Variants in CSMD3 observed in about 807,000 individuals in gnomAD.
CSMD3 encodes the protein CUB and Sushi multiple domains 3.
In CSMD3, 177 loss-of-function variants were observed where a neutral mutation model predicts 435.2. The observed-to-expected ratio is 0.41, with a 90% CI of 0.36 to 0.46. CSMD3 has a LOEUF of 0.46. Ranked by LOEUF, CSMD3 falls within the 20% of genes least tolerant of loss-of-function variation. The pLI, the probability that CSMD3 is intolerant of heterozygous loss-of-function variation, is 0.34. For synonymous variants in CSMD3, 1,656 were observed against 1,520.5 expected (o/e 1.09, Z -2.07); for missense variants, 4,265 against 4,504.6 (o/e 0.95, Z 1.52).
intron 53 of CSMD3, among the ~76,000 whole-genome samples, chr8:112,296,874 A>T: frequency 6.6e-6 from 1 of 151,958 alleles, no homozygotes; most frequent in East Asian, 1.9e-4. Flanking sequence ...AGGAGAGAAT[A>T]AAATTGTCAA....
intron 8 of CSMD3, 106 bp downstream of exon 8, chr8:112,954,578 A>G: frequency 1.4e-6 from 1 of 710,680 alleles, no homozygotes; most frequent in South Asian, 1.5e-5. Context: ...TAATGCAGTT[A>G]ATTTGGTAAA....
intron 20 of CSMD3, among the ~76,000 whole-genome samples, chr8:112,641,021 C>T (rs186169572): frequency 3.7e-4 from 56 of 152,036 alleles, no homozygotes; most frequent in Non-Finnish European, 6.8e-4. Context: ...GTATTATTTA[C>T]CTTTCTGAGC....
intron 17 of CSMD3, among the ~76,000 whole-genome samples, chr8:112,656,690 CA>C (rs1337549293): frequency 1.3e-5 from 2 of 152,176 alleles, no homozygotes; most frequent in Non-Finnish European, 2.9e-5. Context: ...ATGTGGTTTA[CA>C]TTTATTTTCA....
Position 113,117,229 on chromosome 8 carries a change from C to T in CSMD3, c.710-18266G>A, listed in dbSNP as rs566546856. ...TTTGTGGGCTGGGCCCCGGGCCTTG[C>T]TACTTTGTGCAAGCTCAAGACTTGG... On this transcript the variant is annotated intron_variant, in intron 4 of 70. Transcript: ENST00000297405. Among the ~76,000 whole-genome samples the T allele has an allele frequency of 3.3e-5, 5 of 152,308 alleles. No homozygotes were observed. The South Asian group carries it at 8.3e-4, about 25-fold the overall frequency.
At chr8:113,142,348 T>C (rs1450556238) in intron 4 of CSMD3, among the ~76,000 whole-genome samples, 2 of 151,268 alleles carry the variant, frequency 1.3e-5, no homozygotes, top group Admixed American at 6.6e-5. Context: ...ATGGATGAAT[T>C]GTTCTACTCA....
At position 112,984,448 on chromosome 8, in the gene CSMD3, T is replaced by C. The variant is rs373341435; in HGVS notation, c.1031-8300A>G. ...AATTTAGCCATAAAATGTAACTATC[T>C]GATCAATAAAATCTCACAAATCATA... On this transcript the variant is annotated intron_variant, in intron 6 of 70. Transcript: ENST00000297405. 1.4e-4 allele frequency among the ~76,000 whole-genome samples: 21 copies of C among 152,238 alleles called. 1 individual carries two copies. Among genetic ancestry groups the C allele is most frequent in the African/African-American group, 4.8e-4 (20 of 41,572 alleles).
chr8:112,525,549 T>C (rs1824798073), intron 27 of CSMD3, among the ~76,000 whole-genome samples: 2 of 148,174 alleles, frequency 1.3e-5, no homozygotes, highest in African/African-American at 4.9e-5. Context: ...TGAAACCCCG[T>C]CTCTACTAAA....
At chr8:112,339,602 A>T (rs985002693) in intron 42 of CSMD3, among the ~76,000 whole-genome samples, 2 of 152,304 alleles carry the variant, frequency 1.3e-5, no homozygotes, top group African/African-American at 2.4e-5. Context: ...GACAACTTGC[A>T]GTCACAATCT....
At chr8:113,299,887 G>A (rs965538073) in intron 2 of CSMD3, among the ~76,000 whole-genome samples, 3 of 151,998 alleles carry the variant, frequency 2.0e-5, no homozygotes, top group Non-Finnish European at 4.4e-5. Context: ...CAGCTATTCG[G>A]GAGGCTGAGG....
chr8:112,616,439 T>C (rs1327357455), intron 22 of CSMD3, among the ~76,000 whole-genome samples: 1 of 152,132 alleles, frequency 6.6e-6, no homozygotes, highest in Non-Finnish European at 1.5e-5. Flanking sequence ...GTGAGATAAA[T>C]AAGCTATGGG....
At chr8:112,608,986 T>C (rs1833015932) in intron 22 of CSMD3, among the ~76,000 whole-genome samples, 1 of 151,624 alleles carries the variant, frequency 6.6e-6, no homozygotes, top group Non-Finnish European at 1.5e-5. Context: ...AAAGCAAAGA[T>C]AAACAGATGG....
At chr8:112,427,872 G>A (rs1043806033) in intron 32 of CSMD3, among the ~76,000 whole-genome samples, 8 of 152,178 alleles carry the variant, frequency 5.3e-5, no homozygotes, top group Non-Finnish European at 7.4e-5. Flanking sequence ...CTCTAGCCTC[G>A]TAAGTAAAGT....
chr8:112,696,299 G>A (rs1021621556), intron 13 of CSMD3, among the ~76,000 whole-genome samples: 2 of 152,122 alleles, frequency 1.3e-5, no homozygotes, highest in East Asian at 1.9e-4. Context: ...AAAGCTGGAG[G>A]CATCATGCTA....
chr8:113,331,321 C>A (rs762916867), intron 1 of CSMD3, among the ~76,000 whole-genome samples: 3 of 151,016 alleles, frequency 2.0e-5, no homozygotes, highest in Non-Finnish European at 4.4e-5. Context: ...AAAGAAAATC[C>A]TAGGCCCAAA....
At chr8:112,385,940 C>T in intron 36 of CSMD3, among the ~76,000 whole-genome samples, 1 of 151,978 alleles carries the variant, frequency 6.6e-6, no homozygotes, top group East Asian at 1.9e-4. Flanking sequence ...CTAAATACTA[C>T]CGTATATGGA....
chr8:112,341,600 C>T lies in CSMD3; in HGVS notation c.6529G>A (p.Val2177Ile), dbSNP rs1424585250. The change falls in exon 42 of 71, where the codon GTT (valine) becomes ATT (isoleucine). Residue 2177 changes from valine to isoleucine, a missense_variant. This residue lies in a region of CSMD3 where 3,255 missense variants were observed against 3,380.2 expected (regional missense o/e 0.96). Coordinates refer to ENST00000297405, the MANE Select transcript of CSMD3 (RefSeq NM_198123.2). ...TGAGGACCACTAAGCCGGCCAATAA[C>T]AGTACTAGTTTCTGAGGATCCACTT... is the stretch of plus-strand genomic sequence containing the variant. ...VRSGSSETSTVIGRLSGPQIP... is the reference protein window; with the variant it reads ...VRSGSSETSTIIGRLSGPQIP... The T allele has an allele frequency of 1.9e-6, 3 of 1,612,890 alleles. No individual in the cohort carries two copies. The highest frequency in any genetic ancestry group is 1.3e-5 in the African/African-American group (1 of 74,872).
rs1031153144 is a variant in CSMD3, at chr8:112,976,238, T to C, written c.1031-90A>G. 2.8e-6 allele frequency: 4 copies of C among 1,418,262 alleles called. No individual in the cohort carries two copies. The African/African-American group carries it at 4.3e-5, about 15-fold the overall frequency. 87.9% of individuals were successfully genotyped at this position (1,418,262 alleles called of 1,614,324 possible). ...AAATTTAATCAATCATATTCTCTTC[T>C]ATTACCTTAAGGATAATCAACATGA... On this transcript the variant is annotated intron_variant, in intron 6 of 70. Transcript: ENST00000297405.
intron 5 of CSMD3, among the ~76,000 whole-genome samples, chr8:113,062,778 A>G (rs1587993569): frequency 6.6e-6 from 1 of 151,848 alleles, no homozygotes; most frequent in East Asian, 1.9e-4. Flanking sequence ...TAAGCTGCAT[A>G]TTATATTGAG....
chr8:112,869,108 C>T (rs973735016), intron 10 of CSMD3, among the ~76,000 whole-genome samples: 3 of 152,258 alleles, frequency 2.0e-5, no homozygotes, highest in South Asian at 2.1e-4. Context: ...AAAAATCTGG[C>T]TCCTGGGACT....
Sources: gnomAD v4.1 joint callset for allele counts (sites outside exome capture counted in the v4.1 genomes callset) on GRCh38, gnomAD v4.1.1 for gene constraint, gnomAD v4.1.1 regional missense constraint, MANE v1.5 for transcripts, NCBI Gene and HGNC (gene_info 2026-07-23, HGNC 2026-07-21) for gene names.